Variants in RBFOX1 observed in about 807,000 individuals in gnomAD.
RBFOX1 encodes RNA binding protein fox-1 homolog 1.
Under a neutral mutation model 57.7 loss-of-function variants are expected in RBFOX1, and 8 were observed. The ratio of observed to expected loss-of-function variants is 0.14; its 90% CI spans 0.08 to 0.25. The LOEUF (loss-of-function observed/expected upper bound fraction) is 0.25, where lower values mean the gene tolerates loss of function less well. RBFOX1 is among the 10% of genes least tolerant of loss of function. RBFOX1 has a pLI of 1.00. For synonymous variants in RBFOX1, 326 were observed against 222.4 expected (o/e 1.47, Z -4.15); for missense variants, 611 against 548.5 (o/e 1.11, Z -1.14).
At position 5,624,888 on chromosome 16, in the gene RBFOX1, C is replaced by T. The variant is rs527710302; in HGVS notation, c.318+25927C>T. Among the ~76,000 whole-genome samples the T allele has an allele frequency of 2.0e-5, 3 of 152,240 alleles. No individual in the cohort carries two copies. The South Asian group carries it at 6.2e-4, about 32-fold the overall frequency. ...TGGGAGATGAGAGGGGCTGTTTGAC[C>T]ACTTGGAAACTGCCCAATAGGTTTA... is the stretch of plus-strand genomic sequence containing the variant. On this transcript the variant is annotated intron_variant, in intron 3 of 19. Coordinates refer to the RBFOX1 transcript ENST00000641259.
At chr16:6,987,898 AATGAAATGTTTAT>A (rs1274413688) in intron 3 of RBFOX1, among the ~76,000 whole-genome samples, 1 of 152,188 alleles carries the variant, frequency 6.6e-6, no homozygotes, top group Non-Finnish European at 1.5e-5. Flanking sequence ...TCGGGTCAGA[AATGAAATGTTTAT>A]GATGGCTGGA....
At chr16:6,993,289 T>C (rs1161836274) in intron 3 of RBFOX1, among the ~76,000 whole-genome samples, 1 of 152,178 alleles carries the variant, frequency 6.6e-6, no homozygotes, top group Admixed American at 6.5e-5. Flanking sequence ...TTCAAATGAG[T>C]CTTCTGAGAA....
intron 4 of RBFOX1, among the ~76,000 whole-genome samples, chr16:5,884,452 C>G (rs1488860370): frequency 6.8e-6 from 1 of 148,148 alleles, no homozygotes; most frequent in Non-Finnish European, 1.5e-5. Context: ...GCCCCGCCCC[C>G]CGCTCCCCAC....
chr16:5,457,790 C>G (rs990746078), intron 1 of RBFOX1, among the ~76,000 whole-genome samples: 1 of 152,212 alleles, frequency 6.6e-6, no homozygotes, highest in Non-Finnish European at 1.5e-5. Context: ...TTAATTGTTG[C>G]AGAATTTTGT....
chr16:5,267,567 G>T (rs539511275), intron 1 of RBFOX1, among the ~76,000 whole-genome samples: 1 of 152,048 alleles, frequency 6.6e-6, no homozygotes, highest in East Asian at 2.0e-4. Context: ...TAAAGTGTTC[G>T]GGTTACAGGT....
At chr16:6,575,708 A>G (rs937374383) in intron 2 of RBFOX1, among the ~76,000 whole-genome samples, 2 of 151,928 alleles carry the variant, frequency 1.3e-5, no homozygotes, top group African/African-American at 4.8e-5. Flanking sequence ...AAGTACAGAA[A>G]TTAACTGGTG....
chr16:6,384,127 G>T (rs1438736700), intron 2 of RBFOX1, among the ~76,000 whole-genome samples: 1 of 149,568 alleles, frequency 6.7e-6, no homozygotes, highest in Non-Finnish European at 1.5e-5. Flanking sequence ...TTATTCATTG[G>T]CGCTTGGTTG....
chr16:6,418,519 A>AT (rs567448072), intron 2 of RBFOX1, among the ~76,000 whole-genome samples: 5,854 of 100,882 alleles, frequency 0.058, 381 homozygotes, highest in African/African-American at 0.067. Context: ...TGCAAGCCTT[A>AT]TTTTTTTTTT....
At chr16:7,142,472 G>C (rs2074030440) in intron 4 of RBFOX1, among the ~76,000 whole-genome samples, 1 of 152,088 alleles carries the variant, frequency 6.6e-6, no homozygotes, top group South Asian at 2.1e-4. Context: ...GAGAGTCCCT[G>C]GAACAATTTA....
At chr16:5,503,133 C>T (rs911303052) in intron 2 of RBFOX1, among the ~76,000 whole-genome samples, 4 of 152,164 alleles carry the variant, frequency 2.6e-5, no homozygotes, top group African/African-American at 4.8e-5. Context: ...AGGGTGGAGC[C>T]GCAGTTCTGC....
At chr16:6,925,093 G>A (rs561872860) in intron 3 of RBFOX1, among the ~76,000 whole-genome samples, 2 of 125,458 alleles carry the variant, frequency 1.6e-5, no homozygotes, top group East Asian at 5.4e-4. Flanking sequence ...ATCGTTGTTG[G>A]ACATCTAGGT....
At chr16:5,856,449 G>C (rs1266513235) in intron 3 of RBFOX1, among the ~76,000 whole-genome samples, 2 of 137,280 alleles carry the variant, frequency 1.5e-5, no homozygotes, top group African/African-American at 5.4e-5. Flanking sequence ...GTCATCACAA[G>C]ACTATGCATT....
chr16:5,681,624 C>G (rs1360154784), intron 3 of RBFOX1, among the ~76,000 whole-genome samples: 1 of 151,330 alleles, frequency 6.6e-6, no homozygotes, highest in African/African-American at 2.4e-5. Flanking sequence ...AACTCCCGAC[C>G]TCAGGTGATC....
intron 3 of RBFOX1, among the ~76,000 whole-genome samples, chr16:6,941,333 T>TCCTC (rs2078468260): frequency 1.4e-5 from 2 of 141,798 alleles, no homozygotes; most frequent in Non-Finnish European, 3.1e-5. Context: ...CTTCCTTCCT[T>TCCTC]CCTTCCTTCC....
At chr16:6,714,002 C>T (rs1454120375) in intron 3 of RBFOX1, among the ~76,000 whole-genome samples, 1 of 152,192 alleles carries the variant, frequency 6.6e-6, no homozygotes, top group South Asian at 2.1e-4. Flanking sequence ...ACGTAAATCT[C>T]ATCTTGAATT....
intron 4 of RBFOX1, among the ~76,000 whole-genome samples, chr16:7,433,217 A>T (rs748848344): frequency 6.6e-6 from 1 of 152,204 alleles, no homozygotes; most frequent in Non-Finnish European, 1.5e-5. Context: ...TTAATATGCA[A>T]AAAGGTTTTC....
chr16:7,366,120 C>G (rs190153931), intron 4 of RBFOX1, among the ~76,000 whole-genome samples: 166 of 151,466 alleles, frequency 1.1e-3, no homozygotes, highest in African/African-American at 3.7e-3. Flanking sequence ...TCATGTGGCA[C>G]AGACATGGCA....
At position 6,243,567 on chromosome 16, in the gene RBFOX1, A is replaced by G. The variant is rs563241882; in HGVS notation, c.-126-73428A>G. On this transcript the variant is annotated intron_variant, in intron 1 of 15. Transcript: ENST00000550418. ...GTCCTCGTTCAGCAAGAAGCAGGGTATCATGTCCTCTAATCATGGTCCGTA... is the reference window on the plus strand; with the variant it reads ...GTCCTCGTTCAGCAAGAAGCAGGGTGTCATGTCCTCTAATCATGGTCCGTA... Among the ~76,000 whole-genome samples the G allele has an allele frequency of 1.1e-3, 175 of 152,278 alleles. 3 individuals carry two copies. The South Asian group carries it at 0.035, about 30-fold the overall frequency.
At chr16:6,082,041 A>G (rs2096008971) in intron 1 of RBFOX1, among the ~76,000 whole-genome samples, 1 of 152,060 alleles carries the variant, frequency 6.6e-6, no homozygotes, top group Non-Finnish European at 1.5e-5. Context: ...ACTGTTTTCA[A>G]CCGTATGGCT....
Sources: allele counts gnomAD v4.1 joint callset (sites outside exome capture counted in the v4.1 genomes callset), GRCh38; gene constraint gnomAD v4.1.1; transcripts MANE v1.5; gene names NCBI Gene and HGNC (gene_info 2026-07-23, HGNC 2026-07-21).